GABRB1: variants seen among roughly 807,000 people sequenced by gnomAD.
GABRB1 encodes the protein gamma-aminobutyric acid type A receptor subunit beta1.
In GABRB1, 17 loss-of-function variants were observed where a neutral mutation model predicts 51.6. That is an observed-to-expected ratio of 0.33 (90% CI 0.23 to 0.49). GABRB1 has a LOEUF of 0.49. Among genes scored for constraint, GABRB1 ranks in the 20% least tolerant of loss-of-function variants. The pLI, the probability that GABRB1 is intolerant of heterozygous loss-of-function variation, is 0.99. For synonymous variants in GABRB1, 247 were observed against 218.9 expected, an observed-to-expected ratio of 1.13 and a Z score of -1.14; for missense variants, 410 against 600.6, an observed-to-expected ratio of 0.68 and a Z score of 3.32.
At chr4:47,265,858 A>G (rs957570339) in intron 4 of GABRB1, among the ~76,000 whole-genome samples, 2 of 152,054 alleles carry the variant, frequency 1.3e-5, no homozygotes, top group African/African-American at 4.8e-5. Flanking sequence ...TCTTTGCCAG[A>G]TGTATAGTTT....
chr4:47,191,733 G>A (rs1302455339), intron 4 of GABRB1, among the ~76,000 whole-genome samples: 1 of 152,066 alleles, frequency 6.6e-6, no homozygotes, highest in Non-Finnish European at 1.5e-5. Flanking sequence ...TAGGAAGCAG[G>A]AAGTGACTGG....
chr4:47,322,832 G>A (rs1725132005), intron 5 of GABRB1, among the ~76,000 whole-genome samples: 2 of 152,082 alleles, frequency 1.3e-5, no homozygotes, highest in Non-Finnish European at 2.9e-5. Flanking sequence ...TTAGCTGGGT[G>A]CTGGCATGCA....
intron 4 of GABRB1, among the ~76,000 whole-genome samples, chr4:47,259,681 C>T (rs1722348705): frequency 6.6e-6 from 1 of 152,120 alleles, no homozygotes; most frequent in African/African-American, 2.4e-5. Context: ...AGGCAGGAAT[C>T]AGACCCAGAT....
chr4:47,138,545 T>C, intron 3 of GABRB1, among the ~76,000 whole-genome samples: 1 of 152,072 alleles, frequency 6.6e-6, no homozygotes, highest in East Asian at 1.9e-4. Context: ...AAACATGTCA[T>C]CAAAGCTAGA....
At chr4:47,256,479 C>T (rs557614258) in intron 4 of GABRB1, among the ~76,000 whole-genome samples, 12 of 152,308 alleles carry the variant, frequency 7.9e-5, no homozygotes, top group East Asian at 5.8e-4. Context: ...CTGCACTACA[C>T]GCTCTGCATC....
intron 1 of GABRB1, among the ~76,000 whole-genome samples, chr4:46,995,289 C>T (rs1207580414): frequency 2.0e-5 from 3 of 152,128 alleles, no homozygotes; most frequent in African/African-American, 7.2e-5. Context: ...ACTAGTGTAT[C>T]CTCCAAATAT....
At chr4:47,398,104 A>G (rs904416570) in intron 5 of GABRB1, among the ~76,000 whole-genome samples, 1 of 151,976 alleles carries the variant, frequency 6.6e-6, no homozygotes, top group Non-Finnish European at 1.5e-5. Context: ...TGTGTTTTGC[A>G]TATTTCTGGC....
At chr4:47,180,992 T>C (rs1327357073) in intron 4 of GABRB1, among the ~76,000 whole-genome samples, 1 of 152,004 alleles carries the variant, frequency 6.6e-6, no homozygotes, top group Non-Finnish European at 1.5e-5. Context: ...TGCCTTGGTA[T>C]GGGGCTTTGG....
chr4:47,102,517 C>T lies in GABRB1; in HGVS notation c.241-58732C>T, dbSNP rs116093961. Among the ~76,000 whole-genome samples, 801 of 151,938 alleles carry T rather than the reference C, an allele frequency of 5.3e-3. 7 individuals carry two copies. Among genetic ancestry groups the T allele is most frequent in the African/African-American group, 0.019 (774 of 41,454 alleles). The stretch of plus-strand genomic sequence containing the variant: ...GATATGAAGAGTTGAGTAACCTCCG[C>T]TAATTTGGGGTTAAGGAGTCAGGGT... On this transcript the variant is annotated intron_variant, in intron 3 of 8. Transcript: ENST00000295454.
chr4:47,199,529 T>A (rs1719817514), intron 4 of GABRB1, among the ~76,000 whole-genome samples: 1 of 152,026 alleles, frequency 6.6e-6, no homozygotes, highest in Admixed American at 6.6e-5. Context: ...TTTAAGAATT[T>A]TATACCAGCA....
At chr4:47,035,893 G>A (rs1276453389) in intron 3 of GABRB1, among the ~76,000 whole-genome samples, 2 of 152,138 alleles carry the variant, frequency 1.3e-5, no homozygotes, top group Non-Finnish European at 2.9e-5. Context: ...CCAGTGACTA[G>A]CTGTTCCTTT....
intron 5 of GABRB1, among the ~76,000 whole-genome samples, chr4:47,322,028 T>A (rs992101517): frequency 3.3e-5 from 5 of 152,356 alleles, no homozygotes; most frequent in Middle Eastern, 3.4e-3. Context: ...AAGATTTCTT[T>A]AATCATATTT....
Position 47,312,074 on chromosome 4 carries a change from C to T in GABRB1, c.462-8053C>T, listed in dbSNP as rs572424782. ...GTGTGTGTGTGTGTGTGTGTGTGCG[C>T]GTGCATACAGGCATGCTTGGTGTGT... On this transcript the variant is annotated intron_variant, in intron 4 of 8. Coordinates refer to ENST00000295454, the MANE Select transcript of GABRB1 (RefSeq NM_000812.4). Among the ~76,000 whole-genome samples, 5 of 137,208 alleles carry T rather than the reference C, an allele frequency of 3.6e-5. No homozygotes were observed. The East Asian group carries it at 7.9e-4, about 22-fold the overall frequency. 90.0% of individuals were successfully genotyped at this position (137,208 alleles called of 152,430 possible).
chr4:47,350,286 T>TATAGAG (rs1553877291), intron 5 of GABRB1, among the ~76,000 whole-genome samples: 7 of 139,942 alleles, frequency 5.0e-5, no homozygotes, highest in African/African-American at 1.9e-4. Flanking sequence ...TATATATATA[T>TATAGAG]AGAGAGAGAG....
intron 3 of GABRB1, among the ~76,000 whole-genome samples, chr4:47,075,854 T>C (rs1727524139): frequency 6.6e-6 from 1 of 152,134 alleles, no homozygotes; most frequent in South Asian, 2.1e-4. Context: ...ATCTCCTTTT[T>C]CAAAAAATGC....
chr4:47,185,885 A>T (rs1205573787), intron 4 of GABRB1, among the ~76,000 whole-genome samples: 2 of 151,830 alleles, frequency 1.3e-5, no homozygotes, highest in Non-Finnish European at 2.9e-5. Context: ...CTGGGGAAGA[A>T]TCCTTTAAAG....
At chr4:47,337,802 T>A (rs1014348724) in intron 5 of GABRB1, among the ~76,000 whole-genome samples, 4 of 103,494 alleles carry the variant, frequency 3.9e-5, no homozygotes, top group East Asian at 6.8e-4. Context: ...AGAGCCAGAC[T>A]CTGTCTAAAA....
intron 3 of GABRB1, among the ~76,000 whole-genome samples, chr4:47,106,939 C>T (rs1420138571): frequency 6.6e-6 from 1 of 152,052 alleles, no homozygotes. Context: ...CTCATTCTGT[C>T]CTCTTCTCCA....
At chr4:47,050,182 A>C (rs1031059575) in intron 3 of GABRB1, among the ~76,000 whole-genome samples, 34 of 152,262 alleles carry the variant, frequency 2.2e-4, no homozygotes, top group Admixed American at 9.8e-4. Context: ...TTTGCTTCAA[A>C]GGTGTTACTA....
Sources: allele counts gnomAD v4.1 joint callset (sites outside exome capture counted in the v4.1 genomes callset), GRCh38; gene constraint gnomAD v4.1.1; transcripts MANE v1.5; gene names NCBI Gene and HGNC (gene_info 2026-07-23, HGNC 2026-07-21).